CEACAM6: variants seen among roughly 807,000 people sequenced by gnomAD.
CEACAM6 encodes the protein cell adhesion molecule CEACAM6.
In CEACAM6, 21 loss-of-function variants were observed where a neutral mutation model predicts 32.4. That is an observed-to-expected ratio of 0.65 (90% CI 0.46 to 0.93). The LOEUF (loss-of-function observed/expected upper bound fraction) is 0.93, where lower values mean the gene tolerates loss of function less well. CEACAM6 is among the 40% of genes least tolerant of loss of function. The pLI is 0.00. For missense variants in CEACAM6, 406 were observed against 432.2 expected (o/e 0.94, Z 0.54); for synonymous variants, 184 against 174.4 (o/e 1.06, Z -0.43).
At chr19:41,768,595 G>A (rs1349091041) in intron 5 of CEACAM6, among the ~76,000 whole-genome samples, 9 of 152,252 alleles carry the variant, frequency 5.9e-5, no homozygotes, top group East Asian at 3.9e-4. Context: ...ATCATGGCCC[G>A]TTCTCAATGA....
At chr19:41,759,342 G>C (rs1004686902) in intron 2 of CEACAM6, among the ~76,000 whole-genome samples, 2 of 152,202 alleles carry the variant, frequency 1.3e-5, no homozygotes, top group African/African-American at 4.8e-5. Flanking sequence ...TGTTTTCTCA[G>C]GTTAACAGGA....
At chr19:41,760,260 G>C (rs2072914459) in intron 2 of CEACAM6, among the ~76,000 whole-genome samples, 1 of 152,214 alleles carries the variant, frequency 6.6e-6, no homozygotes, top group African/African-American at 2.4e-5. Flanking sequence ...GAACCCTACA[G>C]TATCTGTCCT....
At chr19:41,766,367 A>AT in intron 5 of CEACAM6, 68 bp downstream of exon 5, 2 of 745,154 alleles carry the variant, frequency 2.7e-6, no homozygotes, top group Admixed American at 6.3e-5. Flanking sequence ...AAGGAAAAAA[A>AT]CTTCTTCACC....
intron 2 of CEACAM6, chr19:41,757,881 G>A (rs531157380): frequency 2.6e-5 from 4 of 152,320 alleles, no homozygotes; most frequent in Admixed American, 2.6e-4. Flanking sequence ...TGAGGGACAG[G>A]GAGACAGTCA....
At chr19:41,765,337 C>T (rs1399600098) in intron 4 of CEACAM6, among the ~76,000 whole-genome samples, 3 of 152,182 alleles carry the variant, frequency 2.0e-5, no homozygotes, top group South Asian at 2.1e-4. Context: ...CTAGCATTAA[C>T]CATCGCACTG....
intron 3 of CEACAM6, 152 bp downstream of exon 3, chr19:41,761,679 G>A (rs1555821913): frequency 7.4e-7 from 1 of 1,352,766 alleles, no homozygotes; most frequent in African/African-American, 1.5e-5. Context: ...GGGCAGACCA[G>A]GCCTTGACCA....
At position 41,759,552 on chromosome 19, in the gene CEACAM6, CAT is replaced by C. The variant is rs577981117; in HGVS notation, c.425-1694_425-1693del. 5.3e-5 allele frequency among the ~76,000 whole-genome samples: 8 copies of C among 152,312 alleles called. No homozygotes were observed. The East Asian group carries it at 1.5e-3, about 29-fold the overall frequency. On this transcript the variant is annotated intron_variant, in intron 2 of 5. Transcript: ENST00000199764. ...CTGGTTCTATCCTCCTAAGAGGACT[CAT>C]ATGCCTCTCTCTACTCAAGGAGTTG...
intron 2 of CEACAM6, among the ~76,000 whole-genome samples, chr19:41,758,300 C>G (rs2122908959): frequency 6.6e-6 from 1 of 152,140 alleles, no homozygotes; most frequent in East Asian, 1.9e-4. Flanking sequence ...ACACCCTGCA[C>G]CAGCACAGGC....
chr19:41,762,374 C>T, intron 4 of CEACAM6, 151 bp downstream of exon 4: 1 of 868,700 alleles, frequency 1.2e-6, no homozygotes, highest in Admixed American at 2.8e-5. Context: ...TTCACCTCTG[C>T]AGACTCTTTT....
intron 2 of CEACAM6, 40 bp from the exon 3 acceptor site, chr19:41,761,209 G>C (rs1356233497): frequency 3.1e-6 from 5 of 1,613,456 alleles, no homozygotes; most frequent in Non-Finnish European, 4.2e-6. Flanking sequence ...AGGAATCAAA[G>C]GTGCCACACA....
intron 5 of CEACAM6, among the ~76,000 whole-genome samples, chr19:41,767,738 AG>A (rs1252439190): frequency 6.6e-6 from 1 of 152,170 alleles, no homozygotes; most frequent in East Asian, 1.9e-4. Flanking sequence ...TTTAGCTAGG[AG>A]GATTAGAATT....
intron 2 of CEACAM6, 91 bp downstream of exon 2, chr19:41,757,050 C>G: frequency 6.5e-7 from 1 of 1,528,200 alleles, no homozygotes; most frequent in East Asian, 2.3e-5. Flanking sequence ...CTGTGGCCCT[C>G]TCTGCATTAC....
chr19:41,759,126 C>A (rs1263566940), intron 2 of CEACAM6, among the ~76,000 whole-genome samples: 1 of 152,230 alleles, frequency 6.6e-6, no homozygotes, highest in Non-Finnish European at 1.5e-5. Context: ...AGGCTCACAT[C>A]CTCCAGTCAT....
chr19:41,767,206 TA>T (rs1220617177), intron 5 of CEACAM6, among the ~76,000 whole-genome samples: 1 of 152,132 alleles, frequency 6.6e-6, no homozygotes, highest in Non-Finnish European at 1.5e-5. Flanking sequence ...GTTTCAATGT[TA>T]CACCTAAAAA....
intron 4 of CEACAM6, among the ~76,000 whole-genome samples, chr19:41,764,307 G>C (rs917547254): frequency 6.6e-6 from 1 of 151,904 alleles, no homozygotes; most frequent in Non-Finnish European, 1.5e-5. Context: ...TTGAGAGTAG[G>C]TCTCACTCTG....
At position 41,759,218 on chromosome 19, in the gene CEACAM6, G is replaced by A. The variant is rs562832598; in HGVS notation, c.425-2031G>A. 4.6e-5 allele frequency among the ~76,000 whole-genome samples: 7 copies of A among 152,302 alleles called. No homozygotes were observed. In the South Asian group the frequency reaches 8.3e-4, roughly 18 times the overall value. On this transcript the variant is annotated intron_variant, in intron 2 of 5. Coordinates refer to ENST00000199764, the MANE Select transcript of CEACAM6 (RefSeq NM_002483.7). ...CTGCCCATTCCACATACACTACTGT[G>A]TCCTCATGATGATGCCATTGTCATA...
chr19:41,762,284 G>C, intron 4 of CEACAM6, 61 bp downstream of exon 4: 1 of 1,563,274 alleles, frequency 6.4e-7, no homozygotes, highest in Non-Finnish European at 8.7e-7. Context: ...TCTCAGAGAA[G>C]AGCCAGGAAG....
intron 4 of CEACAM6, 147 bp from the exon 5 acceptor site, chr19:41,766,036 A>G (rs1279526828): frequency 4.3e-6 from 2 of 470,562 alleles, no homozygotes; most frequent in Non-Finnish European, 7.6e-6. Flanking sequence ...GAAACGTGGT[A>G]AGAGAGAAAA....
rs4060857 is a variant in CEACAM6 at position 41,756,453 on chromosome 19, G to GACACACAC, written c.65-114_65-107dup. 2.3e-3 allele frequency: 2,115 copies of GACACACAC among 920,386 alleles called. 7 individuals are homozygous for GACACACAC. Among genetic ancestry groups the GACACACAC allele is most frequent in the South Asian group, 3.9e-3 (208 of 53,290 alleles). The allele number at this position is 920,386 out of a possible 1,614,324, so 57.0% of individuals were successfully genotyped here. On this transcript the variant is annotated intron_variant, in intron 1 of 5. Coordinates refer to ENST00000199764, the MANE Select transcript of CEACAM6 (RefSeq NM_002483.7). The stretch of plus-strand genomic sequence containing the variant: ...CACACTGCTGACTTTGACTCAGTAG[G>GACACACAC]ACACACACACACACACACACACACA...
Sources: gnomAD v4.1 joint callset for allele counts (sites outside exome capture counted in the v4.1 genomes callset) on GRCh38, gnomAD v4.1.1 for gene constraint, MANE v1.5 for transcripts, NCBI Gene and HGNC (gene_info 2026-07-23, HGNC 2026-07-21) for gene names.